Variants in TRMT11 observed in about 807,000 individuals in gnomAD.
The protein encoded by TRMT11 is tRNA methyltransferase 11, also known as tRNA (guanine(10)-N(2))-methyltransferase TRMT11.
TRMT11 carries 53 observed loss-of-function variants against 62.8 expected under a neutral mutation model. That is an observed-to-expected ratio of 0.84 (90% CI 0.68 to 1.06). The LOEUF is 1.06. Ranked by LOEUF, TRMT11 falls within the 50% of genes least tolerant of loss-of-function variation. The pLI, the probability that TRMT11 is intolerant of heterozygous loss-of-function variation, is 0.00. For missense variants in TRMT11, 556 were observed against 553.4 expected (o/e 1.00, Z -0.05); for synonymous variants, 188 against 190.3 (o/e 0.99, Z 0.10).
At chr6:126,104,297 C>T (rs1047722166) in intron 17 of TRMT11, among the ~76,000 whole-genome samples, 3 of 152,150 alleles carry the variant, frequency 2.0e-5, no homozygotes, top group Non-Finnish European at 4.4e-5. Context: ...GCCAACTAGT[C>T]AGGAGTGGGT....
At chr6:126,198,281 C>T (rs895577175) in intron 1 of TRMT11, among the ~76,000 whole-genome samples, 15 of 151,988 alleles carry the variant, frequency 9.9e-5, no homozygotes, top group African/African-American at 3.6e-4. Flanking sequence ...TGGAGGAAAC[C>T]ATTGTAGGGA....
the TRMT11 span, among the ~76,000 whole-genome samples, chr6:126,237,542 G>A: frequency 2.3e-4 from 35 of 152,074 alleles, no homozygotes; most frequent in African/African-American, 4.8e-4. Flanking sequence ...TTAGCTGGGC[G>A]TGGTGGCACA....
the TRMT11 span, among the ~76,000 whole-genome samples, chr6:126,232,906 G>A: frequency 6.6e-6 from 1 of 152,126 alleles, no homozygotes; most frequent in East Asian, 1.9e-4. Context: ...TGTGGCGCTG[G>A]CTAAAATCCA....
At chr6:126,214,721 C>T in the TRMT11 span, among the ~76,000 whole-genome samples, 52 of 151,856 alleles carry the variant, frequency 3.4e-4, no homozygotes, top group Middle Eastern at 0.017. Flanking sequence ...TTCTTTGTTT[C>T]CATTTCATTT....
intron 16 of TRMT11, among the ~76,000 whole-genome samples, chr6:126,052,067 T>C (rs1398831948): frequency 6.6e-6 from 1 of 152,186 alleles, no homozygotes; most frequent in Non-Finnish European, 1.5e-5. Context: ...CCAAGTTTAT[T>C]ACAAGAAATT....
the TRMT11 span, among the ~76,000 whole-genome samples, chr6:126,250,462 A>C: frequency 6.6e-6 from 1 of 152,224 alleles, no homozygotes; most frequent in African/African-American, 2.4e-5. Flanking sequence ...AGGGTGTGTC[A>C]TATCTTATAA....
intron 12 of TRMT11, among the ~76,000 whole-genome samples, chr6:126,038,470 T>A (rs1440087975): frequency 6.6e-6 from 1 of 151,308 alleles, no homozygotes; most frequent in Non-Finnish European, 1.5e-5. Context: ...AAGAAATTTG[T>A]CCTCTGTACA....
intron 7 of TRMT11, among the ~76,000 whole-genome samples, chr6:126,000,115 G>C (rs1435927295): frequency 6.6e-6 from 1 of 152,160 alleles, no homozygotes; most frequent in Middle Eastern, 3.2e-3. Flanking sequence ...TAAGAAAAGT[G>C]TCAAAGTATC....
chr6:126,150,461 C>T (rs1778026081), intron 21 of TRMT11, among the ~76,000 whole-genome samples: 1 of 152,190 alleles, frequency 6.6e-6, no homozygotes, highest in African/African-American at 2.4e-5. Context: ...TAAACCTTAT[C>T]ACAGTACCTC....
At chr6:126,148,777 G>A (rs1185787314) in intron 21 of TRMT11, among the ~76,000 whole-genome samples, 21 of 152,128 alleles carry the variant, frequency 1.4e-4, no homozygotes, top group Non-Finnish European at 4.4e-5. Flanking sequence ...TTTTAAAAAT[G>A]TAGTGGTTAT....
intron 21 of TRMT11, among the ~76,000 whole-genome samples, chr6:126,146,020 A>AAG (rs1777970421): frequency 6.6e-6 from 1 of 152,154 alleles, no homozygotes; most frequent in African/African-American, 2.4e-5. Flanking sequence ...TTATTTCATG[A>AAG]AGAGATATGA....
intron 21 of TRMT11, among the ~76,000 whole-genome samples, chr6:126,134,482 G>A (rs565517705): frequency 6.6e-6 from 1 of 151,874 alleles, no homozygotes; most frequent in South Asian, 2.1e-4. Flanking sequence ...CAACACTGAA[G>A]CACTCATATA....
chr6:126,223,227 T>C, the TRMT11 span, among the ~76,000 whole-genome samples: 207 of 152,152 alleles, frequency 1.4e-3, 1 homozygote, highest in South Asian at 1.5e-3. Flanking sequence ...TGATACCATC[T>C]TGGCTAACAC....
chr6:126,248,384 A>G, the TRMT11 span, among the ~76,000 whole-genome samples: 1 of 152,138 alleles, frequency 6.6e-6, no homozygotes, highest in Non-Finnish European at 1.5e-5. Flanking sequence ...TTTCTCTCAA[A>G]TTGTTCAGGA....
chr6:126,186,255 T>A (rs1778526549), intron 1 of TRMT11, among the ~76,000 whole-genome samples: 1 of 152,180 alleles, frequency 6.6e-6, no homozygotes, highest in South Asian at 2.1e-4. Context: ...ACTGATAAAG[T>A]CAGATGTATC....
At chr6:126,028,167 A>G (rs1329887226) in intron 12 of TRMT11, among the ~76,000 whole-genome samples, 1 of 151,988 alleles carries the variant, frequency 6.6e-6, no homozygotes, top group African/African-American at 2.4e-5. Flanking sequence ...ATATATTGTG[A>G]TTTTTGCCTG....
chr6:126,222,898 G>A, the TRMT11 span, among the ~76,000 whole-genome samples: 1 of 151,254 alleles, frequency 6.6e-6, no homozygotes, highest in Non-Finnish European at 1.5e-5. Context: ...AGATTTGATT[G>A]TGTAACTGCT....
chr6:126,236,093 C>T, the TRMT11 span, among the ~76,000 whole-genome samples: 1 of 152,180 alleles, frequency 6.6e-6, no homozygotes, highest in Non-Finnish European at 1.5e-5. Flanking sequence ...CCATTATACT[C>T]AGGAAGTAAG....
the TRMT11 span, among the ~76,000 whole-genome samples, chr6:126,224,095 A>C: frequency 6.6e-6 from 1 of 152,062 alleles, no homozygotes; most frequent in Admixed American, 6.6e-5. Context: ...CTTTCTCCTC[A>C]ATCCTGATGA....
Sources: gnomAD v4.1 joint callset for allele counts (sites outside exome capture counted in the v4.1 genomes callset) on GRCh38, gnomAD v4.1.1 for gene constraint, MANE v1.5 for transcripts, NCBI Gene and HGNC (gene_info 2026-07-23, HGNC 2026-07-21) for gene names.